Variants in DUSP9 observed in about 807,000 individuals in gnomAD.
The protein encoded by DUSP9 is dual specificity phosphatase 9.
DUSP9 carries 4 observed loss-of-function variants against 13.2 expected under a neutral mutation model. The observed-to-expected ratio is 0.30, with a 90% CI of 0.15 to 0.69. The LOEUF is 0.69. DUSP9 is among the 30% of genes least tolerant of loss of function. DUSP9 has a pLI of 0.73. For missense variants in DUSP9, 263 were observed against 355.0 expected (o/e 0.74, Z 2.08); for synonymous variants, 166 against 172.3 (o/e 0.96, Z 0.29).
rs376150077 is a variant in DUSP9 at position 153,650,857 on chromosome X, GT to G, written c.*564del. Reference sequence around the variant, plus strand: ...GGCCACACATCTGGTGGGCTGTTTTGTTTTTTTTTTTTCCTCTTCCCCCAGA... The same window carrying G: ...GGCCACACATCTGGTGGGCTGTTTTGTTTTTTTTTTTCCTCTTCCCCCAGA... On this transcript the variant is annotated 3_prime_UTR_variant, in exon 4 of 4. Transcript: ENST00000342782. The G allele has an allele frequency of 7.8e-4, 81 of 104,426 alleles. No homozygotes were observed. The highest frequency in any genetic ancestry group is 2.4e-3 in the East Asian group (8 of 3,368). The allele number at this position is 104,426 out of a possible 1,213,427, so 8.6% of individuals were successfully genotyped here. A position where few individuals can be genotyped will look rare whatever the true frequency, so the allele number is the denominator to read the frequency against.
At chrX:153,643,103 A>AAGT (rs2091175046), upstream of DUSP9, among the ~76,000 whole-genome samples, 1 of 107,239 alleles carries the variant, frequency 9.3e-6, no homozygotes, top group Non-Finnish European at 1.9e-5. Context: ...CAGCCCAGAG[A>AAGT]CACTGCAGTC....
Position 153,650,095 on chromosome X carries a change from T to C in DUSP9, c.945T>C (p.Asp315=). The C allele has an allele frequency of 8.3e-7, 1 of 1,210,294 alleles. No individual in the cohort carries two copies. The highest frequency in any genetic ancestry group is 1.8e-5 in the South Asian group (1 of 56,890). The change falls in exon 4 of 4, where the codon GAT becomes GAC. Residue 315 remains aspartate (D), a synonymous_variant. Transcript: ENST00000342782. ...LMQKLHLSLN[D]AYDLVKRKKS... is the part of the protein sequence containing the mutation. ...AGAAGCTCCACCTCTCTCTCAACGATGCCTATGACCTGGTCAAGAGGAAGA... is the reference window on the plus strand; with the variant it reads ...AGAAGCTCCACCTCTCTCTCAACGACGCCTATGACCTGGTCAAGAGGAAGA...
chrX:153,644,793 GT>G (rs2091182570), upstream of DUSP9, among the ~76,000 whole-genome samples: 1 of 112,129 alleles, frequency 8.9e-6, no homozygotes, highest in Non-Finnish European at 1.9e-5. Context: ...CATTGCGGAG[GT>G]TGCCTCTCCC....
rs184700190 is a variant in DUSP9 at position 153,650,858 on chromosome X, T to G, written c.*553T>G. ...GCCACACATCTGGTGGGCTGTTTTGTTTTTTTTTTTTCCTCTTCCCCCAGA... is the reference window on the plus strand; with the variant it reads ...GCCACACATCTGGTGGGCTGTTTTGGTTTTTTTTTTTCCTCTTCCCCCAGA... On this transcript the variant is annotated 3_prime_UTR_variant, in exon 4 of 4. Transcript: ENST00000342782. 485 of 103,515 alleles carry G rather than the reference T, an allele frequency of 4.7e-3. 1 individual carries two copies. The highest frequency in any genetic ancestry group is 7.6e-3 in the Non-Finnish European group (381 of 50,293). The allele number at this position is 103,515 out of a possible 1,213,427, so 8.5% of individuals were successfully genotyped here.
chrX:153,650,126 A>G lies in DUSP9; in HGVS notation c.976A>G (p.Asn326Asp). Residue 326 changes from asparagine (N) to aspartate (D), a missense_variant, in exon 4 of 4, where the codon AAC (asparagine) becomes GAC (aspartate). Physicochemically the swap from Asn to Asp is conservative, Grantham distance 23 (BLOSUM62 1). Transcript: ENST00000342782. ...TGACCTGGTCAAGAGGAAGAAGTCTAACATCTCCCCCAACTTCAACTTCAT... is the reference window on the plus strand; with the variant it reads ...TGACCTGGTCAAGAGGAAGAAGTCTGACATCTCCCCCAACTTCAACTTCAT... The part of the protein sequence containing the change: ...AYDLVKRKKS[N>D]ISPNFNFMGQ... 8.3e-7 allele frequency: 1 copy of G among 1,212,043 alleles called. No individual in the cohort carries two copies. Among genetic ancestry groups the G allele is most frequent in the African/African-American group, 1.7e-5 (1 of 57,913 alleles).
chrX:153,648,075 C>T lies in DUSP9; in HGVS notation c.122C>T (p.Ala41Val). ...ELYESARIGG[A>V]LSVALPALLL... ...TACGAGTCGGCGCGCATCGGTGGGGCGCTGAGCGTGGCCCTGCCGGCGCTC... is the reference window on the plus strand; with the variant it reads ...TACGAGTCGGCGCGCATCGGTGGGGTGCTGAGCGTGGCCCTGCCGGCGCTC... The change falls in exon 2 of 4, where the codon GCG (alanine) becomes GTG (valine). Residue 41 changes from alanine to valine, a missense_variant. By Grantham distance (64) the Ala-to-Val change is moderately conservative (BLOSUM62 0). Transcript: ENST00000342782. The T allele has an allele frequency of 9.5e-7, 1 of 1,050,181 alleles. No individual in the cohort carries two copies. The allele number at this position is 1,050,181 out of a possible 1,213,427, so 86.5% of individuals were successfully genotyped here. A position where few individuals can be genotyped will look rare whatever the true frequency, so the allele number is the denominator to read the frequency against.
In DUSP9 at chrX:153,650,420, G is replaced by T; in HGVS notation, c.*115G>T. The stretch of plus-strand genomic sequence containing the variant: ...GGCTCGGCCTGAGCAGGGTGCTGGG[G>T]GGAGAGCGCAATACCTCACGCGGGC... On this transcript the variant is annotated 3_prime_UTR_variant, in exon 4 of 4. Transcript: ENST00000342782. 1 of 573,831 alleles carries T rather than the reference G, an allele frequency of 1.7e-6. No homozygotes were observed. The highest frequency in any genetic ancestry group is 2.7e-6 in the Non-Finnish European group (1 of 368,148). 47.3% of individuals were successfully genotyped at this position (573,831 alleles called of 1,213,427 possible).
chrX:153,643,444 G>T (rs1557035075), upstream of DUSP9: 3 of 340,135 alleles, frequency 8.8e-6, no homozygotes, highest in Admixed American at 9.4e-5. Flanking sequence ...CCCCCCAGGT[G>T]CCTCCCTAAA....
chrX:153,647,765 C>A, intron 1 of DUSP9, 154 bp from the exon 2 acceptor site: 1 of 364,379 alleles, frequency 2.7e-6, no homozygotes, highest in Non-Finnish European at 4.3e-6. Flanking sequence ...TTCCCCGGGC[C>A]GAGCTGCTGC....
At chrX:153,644,547 C>T (rs1227686486), upstream of DUSP9, among the ~76,000 whole-genome samples, 2 of 111,797 alleles carry the variant, frequency 1.8e-5, no homozygotes, top group African/African-American at 6.5e-5. Context: ...GCGCTCAGCC[C>T]TGCAGTGCGG....
chrX:153,643,380 C>T (rs1386759719), upstream of DUSP9: 30 of 312,664 alleles, frequency 9.6e-5, no homozygotes, highest in Admixed American at 1.2e-3. Flanking sequence ...CATTTGGTGG[C>T]ATCCCTGCCA....
upstream of DUSP9, chrX:153,643,555 G>C (rs1557035101): frequency 3.0e-6 from 1 of 331,738 alleles, no homozygotes; most frequent in Non-Finnish European, 6.0e-6. Context: ...GGAAGCAAGG[G>C]GCCCCGGGGA....
upstream of DUSP9, among the ~76,000 whole-genome samples, chrX:153,644,114 C>T (rs782102188): frequency 2.3e-3 from 255 of 111,620 alleles, no homozygotes; most frequent in African/African-American, 7.8e-3. Flanking sequence ...TCCTGTCACT[C>T]GGCCCGGCGG....
chrX:153,643,847 T>C (rs1178619573), upstream of DUSP9, among the ~76,000 whole-genome samples: 1 of 112,844 alleles, frequency 8.9e-6, no homozygotes, highest in Admixed American at 9.2e-5. Context: ...TCATGCCTTC[T>C]TTGTTAACGA....
intron 2 of DUSP9, among the ~76,000 whole-genome samples, chrX:153,648,672 G>T (rs923934595): frequency 8.9e-6 from 1 of 112,285 alleles, no homozygotes; most frequent in Admixed American, 9.4e-5. Flanking sequence ...GACAGCACTG[G>T]TGCAATCACG....
At position 153,650,308 on chromosome X, in the gene DUSP9, C is replaced by T. The variant is rs782521716; in HGVS notation, c.*3C>T. The T allele has an allele frequency of 3.4e-6, 4 of 1,163,622 alleles. No homozygotes were observed. The highest frequency in any genetic ancestry group is 3.5e-6 in the Non-Finnish European group (3 of 868,428). ...CCTTCGAGCTGGCCCCCACCTAGGG[C>T]CCCGTGGCCGGCAGGCCGGCCCCTG... On this transcript the variant is annotated 3_prime_UTR_variant, in exon 4 of 4. Coordinates refer to ENST00000342782, the MANE Select transcript of DUSP9 (RefSeq NM_001318503.2).
rs1557036342 is a variant in DUSP9 at position 153,650,278 on chromosome X, T to C, written c.1128T>C (p.Asp376=). ...PPSFFTTPTS[D]GAFELAPT ...CCTTCTTCACCACCCCCACCAGTGA[T>C]GGCGCCTTCGAGCTGGCCCCCACCT... Residue 376 remains aspartate (D), a synonymous_variant, in exon 4 of 4, where the codon GAT becomes GAC. Coordinates refer to ENST00000342782, the MANE Select transcript of DUSP9 (RefSeq NM_001318503.2). 3.3e-6 allele frequency: 4 copies of C among 1,200,188 alleles called. No individual in the cohort carries two copies. The highest frequency in any genetic ancestry group is 3.4e-6 in the Non-Finnish European group (3 of 889,153).
At chrX:153,645,795 T>C (rs781860305), upstream of DUSP9, among the ~76,000 whole-genome samples, 1 of 112,916 alleles carries the variant, frequency 8.9e-6, no homozygotes, top group East Asian at 2.8e-4. Flanking sequence ...CGTACCAATA[T>C]ATAACCCTGC....
At chrX:153,646,367 G>C (rs1210912445), upstream of DUSP9, among the ~76,000 whole-genome samples, 6 of 112,255 alleles carry the variant, frequency 5.3e-5, no homozygotes, top group Non-Finnish European at 1.1e-4. Flanking sequence ...AGGGCAGGTC[G>C]TTGCAGGCCC....
Sources: gnomAD v4.1 joint callset for allele counts (sites outside exome capture counted in the v4.1 genomes callset) on GRCh38, gnomAD v4.1.1 for gene constraint, MANE v1.5 for transcripts, NCBI Gene and HGNC (gene_info 2026-07-23, HGNC 2026-07-21) for gene names.